SH3RF3: variants seen among roughly 807,000 people sequenced by gnomAD.
SH3RF3 encodes E3 ubiquitin-protein ligase SH3RF3.
In SH3RF3, 29 loss-of-function variants were observed where a neutral mutation model predicts 66.3. The ratio of observed to expected loss-of-function variants is 0.44; its 90% CI spans 0.33 to 0.60. SH3RF3 has a LOEUF of 0.60. Ranked by LOEUF, SH3RF3 falls within the 20% of genes least tolerant of loss-of-function variation. The pLI is 0.04. For missense variants in SH3RF3, 1,194 were observed against 1,190.9 expected, an observed-to-expected ratio of 1.00 and a Z score of -0.04; for synonymous variants, 583 against 532.0, an observed-to-expected ratio of 1.10 and a Z score of -1.32.
In SH3RF3 at chr2:109,148,711, G is replaced by A. The variant is rs527515718; in HGVS notation, c.573+18598G>A. On this transcript the variant is annotated intron_variant, in intron 1 of 9. Transcript: ENST00000309415. ...GTGCATTCATGGCTGAAGAAGCAGAGCGTAATGTGTAGTGAATTGAGTTCT... is the reference window on the plus strand; with the variant it reads ...GTGCATTCATGGCTGAAGAAGCAGAACGTAATGTGTAGTGAATTGAGTTCT... Among the ~76,000 whole-genome samples the A allele has an allele frequency of 7.2e-5, 11 of 152,348 alleles. No homozygotes were observed. The South Asian group carries it at 1.7e-3, about 23-fold the overall frequency.
chr2:109,375,670 C>T (rs1447748489), intron 3 of SH3RF3, among the ~76,000 whole-genome samples: 2 of 152,226 alleles, frequency 1.3e-5, no homozygotes, highest in East Asian at 1.9e-4. Context: ...GGATGGCAGG[C>T]GAGGGACTCC....
intron 8 of SH3RF3, among the ~76,000 whole-genome samples, chr2:109,480,273 G>A (rs1678803066): frequency 6.6e-6 from 1 of 152,204 alleles, no homozygotes; most frequent in African/African-American, 2.4e-5. Flanking sequence ...CAGGTGCCCA[G>A]CACTTGAGCC....
rs566278276 is a variant in SH3RF3 at position 109,326,659 on chromosome 2, CTGTT to C, written c.574-21013_574-21010del. Among the ~76,000 whole-genome samples the C allele has an allele frequency of 1.3e-4, 20 of 152,294 alleles. 1 individual carries two copies. In the South Asian group the frequency reaches 4.1e-3, roughly 32 times the overall value. ...GTGTTCATAGCCTTTTCTACAATGC[CTGTT>C]TAAGTTAACTTATCTTTTTCTTGAA... is the stretch of plus-strand genomic sequence containing the variant. On this transcript the variant is annotated intron_variant, in intron 1 of 9. Coordinates refer to ENST00000309415, the MANE Select transcript of SH3RF3 (RefSeq NM_001099289.3).
At chr2:109,170,487 A>G (rs577734417) in intron 1 of SH3RF3, among the ~76,000 whole-genome samples, 15 of 152,164 alleles carry the variant, frequency 9.9e-5, no homozygotes, top group African/African-American at 3.4e-4. Context: ...CTGGGACTGC[A>G]GGCGCACACC....
intron 7 of SH3RF3, among the ~76,000 whole-genome samples, chr2:109,442,403 G>T (rs1035809206): frequency 6.6e-6 from 1 of 151,418 alleles, no homozygotes; most frequent in Non-Finnish European, 1.5e-5. Context: ...TGAAAATGAA[G>T]ATCTATACAA....
intron 1 of SH3RF3, among the ~76,000 whole-genome samples, chr2:109,172,964 G>A (rs1359781789): frequency 6.6e-6 from 1 of 152,252 alleles, no homozygotes; most frequent in Non-Finnish European, 1.5e-5. Flanking sequence ...AACACACTGA[G>A]TGTCATGTAT....
intron 2 of SH3RF3, among the ~76,000 whole-genome samples, chr2:109,361,902 A>C (rs1393983114): frequency 6.6e-6 from 1 of 152,164 alleles, no homozygotes; most frequent in Non-Finnish European, 1.5e-5. Context: ...TTTAACATCC[A>C]TGGGACATAC....
Position 109,293,874 on chromosome 2 carries a change from C to T in SH3RF3, c.574-53800C>T, listed in dbSNP as rs186790947. Among the ~76,000 whole-genome samples, 40 of 152,330 alleles carry T rather than the reference C, an allele frequency of 2.6e-4. No homozygotes were observed. In the East Asian group the frequency reaches 7.7e-3, roughly 29 times the overall value. On this transcript the variant is annotated intron_variant, in intron 1 of 9. Transcript: ENST00000309415. ...TTGCTCCTCTACCTCACATTTCCCT[C>T]CTGTGAAACAGCCTGAGGCTTGTTG...
In SH3RF3 at chr2:109,482,520, C is replaced by T. The variant is rs191621869; in HGVS notation, c.2149-8085C>T. On this transcript the variant is annotated intron_variant, in intron 8 of 9. Coordinates refer to ENST00000309415, the MANE Select transcript of SH3RF3 (RefSeq NM_001099289.3). The stretch of plus-strand genomic sequence containing the variant: ...GTCAGTCTCTTTTGTTTCAGGAGCT[C>T]CCTGACACCGTGGTGAACTTGGCCG... Among the ~76,000 whole-genome samples, 51 of 152,306 alleles carry T rather than the reference C, an allele frequency of 3.3e-4. No individual in the cohort carries two copies. The East Asian group carries it at 7.5e-3, about 22-fold the overall frequency.
Position 109,450,697 on chromosome 2 carries a change from G to A in SH3RF3, c.2148+1208G>A, listed in dbSNP as rs1272144248. ...ACGTGAAGTTTTTGGAAGCCCATGT[G>A]AAATCCAATAAGCAATTCTCCAGGG... On this transcript the variant is annotated intron_variant, in intron 8 of 9. Transcript: ENST00000309415. Among the ~76,000 whole-genome samples the A allele has an allele frequency of 7.2e-5, 11 of 152,218 alleles. No individual in the cohort carries two copies. The East Asian group carries it at 2.1e-3, about 29-fold the overall frequency.
chr2:109,220,982 T>G (rs1454644758), intron 1 of SH3RF3, among the ~76,000 whole-genome samples: 1 of 152,246 alleles, frequency 6.6e-6, no homozygotes, highest in Admixed American at 6.5e-5. Flanking sequence ...TGTTCATAAT[T>G]GCATTATTCA....
chr2:109,133,312 C>T (rs1287270758), intron 1 of SH3RF3, among the ~76,000 whole-genome samples: 1 of 152,220 alleles, frequency 6.6e-6, no homozygotes. Context: ...TATATGTTCA[C>T]ATTGGATCCG....
At chr2:109,314,133 C>A (rs1681811382) in intron 1 of SH3RF3, among the ~76,000 whole-genome samples, 1 of 152,102 alleles carries the variant, frequency 6.6e-6, no homozygotes, top group Non-Finnish European at 1.5e-5. Flanking sequence ...CCTGGGCAGT[C>A]ACCTAACTGC....
intron 7 of SH3RF3, among the ~76,000 whole-genome samples, chr2:109,445,968 A>G (rs1335525869): frequency 6.6e-6 from 1 of 152,116 alleles, no homozygotes; most frequent in African/African-American, 2.4e-5. Context: ...AAACACACCA[A>G]AAGTTTAAAG....
intron 1 of SH3RF3, among the ~76,000 whole-genome samples, chr2:109,138,184 G>C (rs916169863): frequency 3.9e-5 from 6 of 152,090 alleles, no homozygotes; most frequent in African/African-American, 1.2e-4. Flanking sequence ...CCCGGCTAAC[G>C]CCCGGCTAAT....
At chr2:109,366,171 G>T (rs1683147830) in intron 2 of SH3RF3, among the ~76,000 whole-genome samples, 1 of 151,926 alleles carries the variant, frequency 6.6e-6, no homozygotes, top group Non-Finnish European at 1.5e-5. Flanking sequence ...CTTTTTCTAG[G>T]TATATATATA....
chr2:109,436,807 G>T, intron 6 of SH3RF3, 86 bp from the exon 7 acceptor site: 1 of 1,509,472 alleles, frequency 6.6e-7, no homozygotes, highest in Non-Finnish European at 8.9e-7. Flanking sequence ...AAAGCCAGCA[G>T]GTCAGAGCGA....
chr2:109,454,191 ATACT>A (rs771097047), intron 8 of SH3RF3, among the ~76,000 whole-genome samples: 21 of 152,340 alleles, frequency 1.4e-4, no homozygotes, highest in Non-Finnish European at 2.4e-4. Flanking sequence ...ATAGGAGGAA[ATACT>A]TACAACAATT....
intron 1 of SH3RF3, among the ~76,000 whole-genome samples, chr2:109,181,346 C>A (rs1678069820): frequency 6.6e-6 from 1 of 152,162 alleles, no homozygotes; most frequent in South Asian, 2.1e-4. Context: ...CATTACTGTT[C>A]ACTAAATTAC....
Sources: allele counts gnomAD v4.1 joint callset (sites outside exome capture counted in the v4.1 genomes callset), GRCh38; gene constraint gnomAD v4.1.1; transcripts MANE v1.5; gene names NCBI Gene and HGNC (gene_info 2026-07-23, HGNC 2026-07-21).